Variants in GSE1 observed in about 807,000 individuals in gnomAD.
The protein encoded by GSE1 is Gse1 coiled-coil protein.
A neutral mutation model predicts 112.6 loss-of-function variants in GSE1; 32 were observed. The observed-to-expected ratio is 0.28, with a 90% CI of 0.21 to 0.38. GSE1 has a LOEUF of 0.38. GSE1 is among the 10% of genes least tolerant of loss of function. GSE1 has a pLI of 1.00. For missense variants in GSE1, 2,348 were observed against 1,699.2 expected (o/e 1.38, Z -6.71); for synonymous variants, 1,115 against 735.6 (o/e 1.52, Z -8.35).
At chr16:85,399,840 G>C (rs755413506) in intron 2 of GSE1, among the ~76,000 whole-genome samples, 2 of 152,192 alleles carry the variant, frequency 1.3e-5, no homozygotes, top group Non-Finnish European at 1.5e-5. Flanking sequence ...CCGTGAGTGC[G>C]GGCTGCGGTT....
rs542806898 is a variant in GSE1, at chr16:85,270,177, C to G, written c.2284-87286C>G. Among the ~76,000 whole-genome samples, 4 of 148,954 alleles carry G rather than the reference C, an allele frequency of 2.7e-5. 1 individual carries two copies. Among genetic ancestry groups the G allele is most frequent in the Non-Finnish European group, 6.1e-5 (4 of 66,098 alleles). On this transcript the variant is annotated intron_variant, in intron 1 of 2. Coordinates refer to the GSE1 transcript ENST00000637419. ...GACAGACGCTCAGTGGTAACCTCCC[C>G]GGGCCATCGGCTTCCTGAGCAGATC...
chr16:85,259,063 G>A (rs1907388426), intron 1 of GSE1, among the ~76,000 whole-genome samples: 1 of 152,206 alleles, frequency 6.6e-6, no homozygotes, highest in Non-Finnish European at 1.5e-5. Context: ...CTGGAGAGAG[G>A]AGGGGGCCTT....
At chr16:85,414,851 G>A (rs1221044347) in intron 2 of GSE1, among the ~76,000 whole-genome samples, 1 of 152,160 alleles carries the variant, frequency 6.6e-6, no homozygotes, top group Non-Finnish European at 1.5e-5. Context: ...GGCAAGGCTG[G>A]TCTTGAACTC....
chr16:85,334,605 G>A (rs2046444575), intron 1 of GSE1, among the ~76,000 whole-genome samples: 3 of 152,210 alleles, frequency 2.0e-5, no homozygotes, highest in Admixed American at 6.5e-5. Flanking sequence ...GGGACGCTTG[G>A]CGTGGGGTGG....
At chr16:85,618,711 G>T (rs370499396) in intron 1 of GSE1, among the ~76,000 whole-genome samples, 3 of 152,270 alleles carry the variant, frequency 2.0e-5, no homozygotes, top group African/African-American at 7.2e-5. Context: ...AGGCTGGGGC[G>T]CAGTGGTGCG....
chr16:85,472,809 C>T (rs1467212062), intron 2 of GSE1, among the ~76,000 whole-genome samples: 1 of 152,236 alleles, frequency 6.6e-6, no homozygotes, highest in Non-Finnish European at 1.5e-5. Context: ...AGTGAGATGA[C>T]TTTGGCACCT....
chr16:85,382,042 GC>G (rs1231311047), intron 2 of GSE1, among the ~76,000 whole-genome samples: 3 of 152,224 alleles, frequency 2.0e-5, no homozygotes, highest in Non-Finnish European at 4.4e-5. Context: ...GCTCCACAGA[GC>G]CCCGGCTTTC....
intron 1 of GSE1, among the ~76,000 whole-genome samples, chr16:85,244,910 G>C (rs1406699950): frequency 6.6e-6 from 1 of 151,136 alleles, no homozygotes; most frequent in Non-Finnish European, 1.5e-5. Context: ...AGAATCGCTT[G>C]AACCCGGGAG....
chr16:85,495,906 C>G (rs1203848330), intron 2 of GSE1, among the ~76,000 whole-genome samples: 3 of 152,290 alleles, frequency 2.0e-5, no homozygotes. Context: ...GCAGCTTGTC[C>G]TGATAGAAAG....
At chr16:85,375,421 A>G (rs2047397281) in intron 2 of GSE1, among the ~76,000 whole-genome samples, 1 of 152,134 alleles carries the variant, frequency 6.6e-6, no homozygotes, top group African/African-American at 2.4e-5. Context: ...CAGGGCGCCC[A>G]TTAAGGTGGG....
chr16:85,659,868 A>G (rs1012943931), intron 8 of GSE1, among the ~76,000 whole-genome samples: 15 of 152,304 alleles, frequency 9.8e-5, no homozygotes, highest in African/African-American at 3.6e-4. Flanking sequence ...CCTTGAAGAC[A>G]CTTTGAGGCC....
intron 2 of GSE1, among the ~76,000 whole-genome samples, chr16:85,488,899 G>A (rs2151889385): frequency 6.6e-6 from 1 of 152,148 alleles, no homozygotes; most frequent in South Asian, 2.1e-4. Context: ...CATTCTAACA[G>A]CCCCCCGGGG....
chr16:85,209,592 A>C (rs1314729360), intron 1 of GSE1, among the ~76,000 whole-genome samples: 1 of 152,186 alleles, frequency 6.6e-6, no homozygotes, highest in African/African-American at 2.4e-5. Flanking sequence ...CGGCTTCTGC[A>C]GCACCGGCCT....
chr16:85,388,416 A>C lies in GSE1; in HGVS notation c.2464+30773A>C, dbSNP rs1039841313. Reference sequence around the variant, plus strand: ...GATGGATGGATGGATGGATGGATACACAGGTGGGTGGATGGATGGATGAAC... The same window carrying C: ...GATGGATGGATGGATGGATGGATACCCAGGTGGGTGGATGGATGGATGAAC... On this transcript the variant is annotated intron_variant, in intron 2 of 2. Coordinates refer to the GSE1 transcript ENST00000637419. 1.5e-4 allele frequency among the ~76,000 whole-genome samples: 17 copies of C among 109,902 alleles called. 2 individuals are homozygous for C. In the East Asian group the frequency reaches 3.0e-3, roughly 20 times the overall value. 72.1% of individuals were successfully genotyped at this position (109,902 alleles called of 152,430 possible).
intron 2 of GSE1, among the ~76,000 whole-genome samples, chr16:85,441,066 A>G (rs1266967404): frequency 6.6e-6 from 1 of 152,208 alleles, no homozygotes; most frequent in African/African-American, 2.4e-5. Context: ...AGCTGATCCC[A>G]GTGCTGTGGC....
chr16:85,587,179 C>T (rs866068752), intron 1 of GSE1, among the ~76,000 whole-genome samples: 4 of 151,000 alleles, frequency 2.6e-5, no homozygotes, highest in African/African-American at 9.7e-5. Context: ...CCCCCCCCCC[C>T]CCAGACCAGA....
intron 2 of GSE1, among the ~76,000 whole-genome samples, chr16:85,511,070 A>G (rs73267233): frequency 0.034 from 5,117 of 152,278 alleles, 252 homozygotes; most frequent in African/African-American, 0.11. Context: ...CTTCACTCCT[A>G]TGTCCTCAGT....
intron 1 of GSE1, among the ~76,000 whole-genome samples, chr16:85,301,029 C>T (rs2045509047): frequency 6.6e-6 from 1 of 152,020 alleles, no homozygotes; most frequent in Admixed American, 6.5e-5. Flanking sequence ...CCAGGGGCCA[C>T]CTTCCCCCAC....
At position 85,200,613 on chromosome 16, in the gene GSE1, G is replaced by C. The variant is rs547575750; in HGVS notation, c.2283+28806G>C. ...TGTTTCAAGGGGCCCTGCTGACGCAGCATTCACTGACAATGAATCACCCCA... is the reference window on the plus strand; with the variant it reads ...TGTTTCAAGGGGCCCTGCTGACGCACCATTCACTGACAATGAATCACCCCA... On this transcript the variant is annotated intron_variant, in intron 1 of 2. Transcript: ENST00000637419. Among the ~76,000 whole-genome samples the C allele has an allele frequency of 2.6e-5, 4 of 152,192 alleles. No homozygotes were observed. In the South Asian group the frequency reaches 8.3e-4, roughly 32 times the overall value.
Sources: gnomAD v4.1 joint callset for allele counts (sites outside exome capture counted in the v4.1 genomes callset) on GRCh38, gnomAD v4.1.1 for gene constraint, MANE v1.5 for transcripts, NCBI Gene and HGNC (gene_info 2026-07-23, HGNC 2026-07-21) for gene names.